The following PCDH15 variants were observed in gnomAD, a reference collection of about 807,000 sequenced individuals.
PCDH15 encodes the protein protocadherin related 15.
In PCDH15, 129 loss-of-function variants were observed where a neutral mutation model predicts 178.5. That is an observed-to-expected ratio of 0.72 (90% CI 0.63 to 0.84). PCDH15 has a LOEUF of 0.84. PCDH15 is among the 40% of genes least tolerant of loss of function. The probability of loss-of-function intolerance (pLI) is 0.00; values close to 1 mark genes in which losing one functional copy is unlikely to be tolerated. For missense variants in PCDH15, 2,230 were observed against 2,099.9 expected (o/e 1.06, Z -1.21); for synonymous variants, 800 against 732.0 (o/e 1.09, Z -1.50).
At chr10:54,359,186 A>G (rs538157595) in intron 5 of PCDH15, among the ~76,000 whole-genome samples, 2 of 152,152 alleles carry the variant, frequency 1.3e-5, no homozygotes, top group South Asian at 4.1e-4. Context: ...AACACAGGGA[A>G]TTAAAAATGA....
chr10:53,919,927 G>C (rs2083860490), intron 25 of PCDH15, among the ~76,000 whole-genome samples: 1 of 152,068 alleles, frequency 6.6e-6, no homozygotes, highest in Non-Finnish European at 1.5e-5. Context: ...CTAGAATGGG[G>C]ACAGGGAAAG....
chr10:54,697,137 A>G (rs1424087681), intron 1 of PCDH15, among the ~76,000 whole-genome samples: 1 of 152,120 alleles, frequency 6.6e-6, no homozygotes, highest in Non-Finnish European at 1.5e-5. Context: ...TATTTTATTT[A>G]TTTGTAGTTA....
chr10:54,966,282 GTTTA>G (rs758561693), intron 2 of PCDH15, among the ~76,000 whole-genome samples: 1 of 151,852 alleles, frequency 6.6e-6, no homozygotes, highest in Non-Finnish European at 1.5e-5. Flanking sequence ...TTCTGTTTTT[GTTTA>G]TTTATTTTAT....
intron 26 of PCDH15, among the ~76,000 whole-genome samples, chr10:53,901,231 T>C (rs1027410322): frequency 1.3e-5 from 2 of 152,044 alleles, no homozygotes; most frequent in Non-Finnish European, 2.9e-5. Context: ...CAAGTCTAGA[T>C]CAGCATTTGC....
At chr10:54,409,736 G>A (rs1320136322) in intron 3 of PCDH15, among the ~76,000 whole-genome samples, 2 of 152,102 alleles carry the variant, frequency 1.3e-5, no homozygotes, top group African/African-American at 4.8e-5. Context: ...GATATTTGGA[G>A]GTGGGGCCTT....
intron 10 of PCDH15, among the ~76,000 whole-genome samples, chr10:54,205,530 G>A (rs1385523356): frequency 1.3e-5 from 1 of 77,834 alleles, no homozygotes; most frequent in Non-Finnish European, 3.3e-5. Flanking sequence ...ATGTCTTAGG[G>A]AGGGATGACT....
intron 28 of PCDH15, among the ~76,000 whole-genome samples, chr10:53,856,147 G>A (rs1360181047): frequency 1.3e-5 from 2 of 151,200 alleles, no homozygotes; most frequent in African/African-American, 4.9e-5. Context: ...ATGGAGGTGA[G>A]GGATAAAGAC....
At chr10:55,214,119 C>CTG in intron 1 of PCDH15, among the ~76,000 whole-genome samples, 1 of 151,664 alleles carries the variant, frequency 6.6e-6, no homozygotes, top group Non-Finnish European at 1.5e-5. Flanking sequence ...AACATATTCT[C>CTG]TATGGTACTT....
intron 3 of PCDH15, among the ~76,000 whole-genome samples, chr10:54,407,003 A>G (rs2384456): frequency 1 from 152,249 of 152,274 alleles, 76,112 homozygotes; most frequent in Middle Eastern, 1. Flanking sequence ...CTTGTATGCC[A>G]AATACACAAA....
intron 10 of PCDH15, among the ~76,000 whole-genome samples, chr10:54,208,147 A>G (rs2051021391): frequency 6.6e-6 from 1 of 152,078 alleles, no homozygotes. Context: ...TGATTTCAGA[A>G]ATTGTAATAT....
At chr10:55,135,111 TTGAG>T (rs1191063986) in intron 2 of PCDH15, among the ~76,000 whole-genome samples, 1 of 152,180 alleles carries the variant, frequency 6.6e-6, no homozygotes, top group Non-Finnish European at 1.5e-5. Flanking sequence ...TAAACAACCA[TTGAG>T]TTTCTTTTTT....
chr10:54,166,510 T>C (rs996077729), intron 13 of PCDH15, among the ~76,000 whole-genome samples: 1 of 152,228 alleles, frequency 6.6e-6, no homozygotes, highest in Non-Finnish European at 1.5e-5. Context: ...TGTTTGTTTG[T>C]TTGTTTCCTT....
At chr10:55,039,464 A>G (rs1453174609) in intron 2 of PCDH15, among the ~76,000 whole-genome samples, 2 of 152,234 alleles carry the variant, frequency 1.3e-5, no homozygotes, top group Middle Eastern at 3.4e-3. Flanking sequence ...TAAAAAGGAG[A>G]GTGGTGAGAA....
intron 21 of PCDH15, among the ~76,000 whole-genome samples, chr10:53,992,148 G>A (rs1433209143): frequency 6.6e-6 from 1 of 152,068 alleles, no homozygotes; most frequent in Admixed American, 6.5e-5. Context: ...ACGGGAGGAA[G>A]GAACAACTCC....
rs180872216 is a variant in PCDH15, at chr10:54,446,418, C to A, written c.158-67476G>T. The stretch of plus-strand genomic sequence containing the variant: ...ATAATTTTTTTCCTTTGCTAACTTT[C>A]AAGATCATATCAAAAAGTACTACTG... On this transcript the variant is annotated intron_variant, in intron 3 of 37. Transcript: ENST00000644397. 5.4e-3 allele frequency among the ~76,000 whole-genome samples: 821 copies of A among 151,554 alleles called. 9 individuals are homozygous for A. Among genetic ancestry groups the A allele is most frequent in the Non-Finnish European group, 9.0e-3 (612 of 67,628 alleles).
intron 4 of PCDH15, among the ~76,000 whole-genome samples, chr10:54,377,524 T>C (rs538719443): frequency 2.6e-5 from 4 of 152,282 alleles, no homozygotes; most frequent in African/African-American, 9.6e-5. Context: ...AAGCACATAG[T>C]AAACTGTAGT....
At chr10:54,219,584 C>A in intron 9 of PCDH15, among the ~76,000 whole-genome samples, 1 of 116,704 alleles carries the variant, frequency 8.6e-6, no homozygotes, top group Admixed American at 9.4e-5. Context: ...CAGAACAAGA[C>A]TCCATCTCAA....
chr10:54,687,457 A>T (rs754581717), intron 1 of PCDH15, among the ~76,000 whole-genome samples: 3 of 152,156 alleles, frequency 2.0e-5, no homozygotes, highest in Non-Finnish European at 2.9e-5. Flanking sequence ...TGCTACATAT[A>T]TAATATATAC....
intron 1 of PCDH15, among the ~76,000 whole-genome samples, chr10:54,788,034 A>G (rs1366835707): frequency 6.6e-6 from 1 of 151,900 alleles, no homozygotes; most frequent in African/African-American, 2.4e-5. Context: ...AGAGAGGCAC[A>G]GGAAGGGGAG....
Sources: gnomAD v4.1 joint callset for allele counts (sites outside exome capture counted in the v4.1 genomes callset) on GRCh38, gnomAD v4.1.1 for gene constraint, MANE v1.5 for transcripts, NCBI Gene and HGNC (gene_info 2026-07-23, HGNC 2026-07-21) for gene names.